Variants in DOK5 observed in about 807,000 individuals in gnomAD.
DOK5 encodes docking protein 5.
A neutral mutation model predicts 43.3 loss-of-function variants in DOK5; 27 were observed. That is an observed-to-expected ratio of 0.62 (90% CI 0.46 to 0.86). The LOEUF is 0.86. Ranked by LOEUF, DOK5 falls within the 40% of genes least tolerant of loss-of-function variation. DOK5 has a pLI of 0.00. For synonymous variants in DOK5, 146 were observed against 140.1 expected (o/e 1.04, Z -0.30); for missense variants, 373 against 392.9 (o/e 0.95, Z 0.43).
chr20:54,534,249 C>A (rs572353403), intron 1 of DOK5, among the ~76,000 whole-genome samples: 2 of 152,290 alleles, frequency 1.3e-5, no homozygotes, highest in East Asian at 3.9e-4. Context: ...TGCAGTGGTG[C>A]AATCATGGCT....
intron 1 of DOK5, among the ~76,000 whole-genome samples, chr20:54,539,980 T>C (rs1429233357): frequency 6.6e-6 from 1 of 152,076 alleles, no homozygotes; most frequent in Non-Finnish European, 1.5e-5. Context: ...ATATAACACT[T>C]TGGAGGCTGG....
At chr20:54,629,977 G>A (rs189462879) in intron 6 of DOK5, among the ~76,000 whole-genome samples, 88 of 152,360 alleles carry the variant, frequency 5.8e-4, no homozygotes, top group Non-Finnish European at 9.6e-4. Context: ...TGTGAGTCGG[G>A]TCCTGTCAGA....
intron 1 of DOK5, among the ~76,000 whole-genome samples, chr20:54,521,355 T>C (rs1057364919): frequency 1.3e-5 from 2 of 152,152 alleles, no homozygotes. Flanking sequence ...TGTCCCTACT[T>C]CAGACGCCAA....
intron 2 of DOK5, among the ~76,000 whole-genome samples, chr20:54,577,550 T>C (rs964833914): frequency 6.6e-6 from 1 of 152,236 alleles, no homozygotes; most frequent in Non-Finnish European, 1.5e-5. Flanking sequence ...AGCAATATTG[T>C]TACACAATGG....
intron 6 of DOK5, among the ~76,000 whole-genome samples, chr20:54,639,625 A>G (rs1460035835): frequency 3.6e-4 from 3 of 8,398 alleles, no homozygotes; most frequent in African/African-American, 8.3e-4. Flanking sequence ...ATCTATTGTA[A>G]AAAAAAAACT....
Position 54,475,633 on chromosome 20 carries a change from A to C in DOK5, c.-314A>C. ...CTCGGCCGGGAGGAGGCAGGGCTGG[A>C]TCCCTCAGCCGCCGCCGCTCCTCCT... On this transcript the variant is annotated 5_prime_UTR_variant, in exon 1 of 8. Coordinates refer to ENST00000262593, the MANE Select transcript of DOK5 (RefSeq NM_018431.5). This position sits in a 1 kb window ranked among gnomAD's most constrained non-coding sequence, Gnocchi z 4.2. 2.1e-6 allele frequency: 1 copy of C among 465,910 alleles called. No individual in the cohort carries two copies. Among genetic ancestry groups the C allele is most frequent in the Non-Finnish European group, 3.9e-6 (1 of 258,420 alleles). 28.9% of individuals were successfully genotyped at this position (465,910 alleles called of 1,614,324 possible).
At chr20:54,503,857 G>GC (rs1185934081) in intron 1 of DOK5, among the ~76,000 whole-genome samples, 1 of 152,166 alleles carries the variant, frequency 6.6e-6, no homozygotes, top group Non-Finnish European at 1.5e-5. Context: ...ACAAACTGCA[G>GC]CCTATGAAGA....
Position 54,591,682 on chromosome 20 carries a change from T to TTACATATGAGTATATCTGTCTTTGGGAC in DOK5, c.477_504dup (p.Val169TyrfsTer3). 6.2e-7 allele frequency: 1 copy of TTACATATGAGTATATCTGTCTTTGGGAC among 1,614,108 alleles called. No homozygotes were observed. Among genetic ancestry groups the TTACATATGAGTATATCTGTCTTTGGGAC allele is most frequent in the East Asian group, 2.2e-5 (1 of 44,880 alleles). ...GTACATGGCGAATGTGCCTTGCAGA[T>TTACATATGAGTATATCTGTCTTTGGGAC]TACATATGAGTATATCTGTCTTTGG... On this transcript the variant is annotated frameshift_variant, in exon 5 of 8. Coordinates refer to ENST00000262593, the MANE Select transcript of DOK5 (RefSeq NM_018431.5). LOFTEE classifies it high-confidence loss of function.
rs534562634 is a variant in DOK5 at position 54,611,775 on chromosome 20, T to A, written c.735+1252T>A. ...GCAAGATTAGGGTAGTTTGAAACTT[T>A]ATGATTGAAACATGTGGGGTGGTTG... On this transcript the variant is annotated intron_variant, in intron 6 of 7. Transcript: ENST00000262593. Among the ~76,000 whole-genome samples the A allele has an allele frequency of 2.0e-5, 3 of 152,350 alleles. No homozygotes were observed. In the South Asian group the frequency reaches 6.2e-4, roughly 32 times the overall value.
At chr20:54,604,101 C>T (rs945970927) in intron 5 of DOK5, among the ~76,000 whole-genome samples, 5 of 151,888 alleles carry the variant, frequency 3.3e-5, no homozygotes, top group African/African-American at 7.3e-5. Context: ...CGCCCGCCAC[C>T]ATGCCCGGCT....
At chr20:54,608,284 T>G (rs1383798584) in intron 5 of DOK5, among the ~76,000 whole-genome samples, 1 of 152,086 alleles carries the variant, frequency 6.6e-6, no homozygotes, top group Non-Finnish European at 1.5e-5. Context: ...CAGTGACCTC[T>G]GCCCCAGGGG....
At chr20:54,647,835 G>C (rs146280076) in intron 7 of DOK5, among the ~76,000 whole-genome samples, 1 of 152,152 alleles carries the variant, frequency 6.6e-6, no homozygotes, top group Non-Finnish European at 1.5e-5. Flanking sequence ...TTAAACCAAA[G>C]CTCTGCACAT....
chr20:54,533,229 G>A (rs1396700809), intron 1 of DOK5, among the ~76,000 whole-genome samples: 2 of 152,146 alleles, frequency 1.3e-5, no homozygotes, highest in African/African-American at 2.4e-5. Context: ...CCCATGAGAT[G>A]CCATTAGAAA....
chr20:54,494,422 A>G (rs113360661), intron 1 of DOK5, among the ~76,000 whole-genome samples: 3,330 of 152,246 alleles, frequency 0.022, 106 homozygotes, highest in African/African-American at 0.071. Context: ...CTGTGTGGTG[A>G]GCATGGTTTT....
At chr20:54,614,030 A>C (rs1433084649) in intron 6 of DOK5, among the ~76,000 whole-genome samples, 1 of 149,110 alleles carries the variant, frequency 6.7e-6, no homozygotes, top group Non-Finnish European at 1.5e-5. Flanking sequence ...ATATATATTT[A>C]TTTATATATA....
rs533987048 is a variant in DOK5 at position 54,614,440 on chromosome 20, G to A, written c.735+3917G>A. Among the ~76,000 whole-genome samples, 17 of 152,188 alleles carry A rather than the reference G, an allele frequency of 1.1e-4. No homozygotes were observed. The East Asian group carries it at 1.2e-3, about 10-fold the overall frequency. On this transcript the variant is annotated intron_variant, in intron 6 of 7. Coordinates refer to ENST00000262593, the MANE Select transcript of DOK5 (RefSeq NM_018431.5). ...ACATGTCATTGTATTAGTGTTGTGC[G>A]GCTATTCCATTAGATCCCTTTAGGC...
chr20:54,484,735 C>T (rs1333463180), intron 1 of DOK5, among the ~76,000 whole-genome samples: 2 of 152,094 alleles, frequency 1.3e-5, no homozygotes, highest in Admixed American at 1.3e-4. Flanking sequence ...AAATGGAGTC[C>T]AGGCTTGGTG....
intron 1 of DOK5, among the ~76,000 whole-genome samples, chr20:54,536,587 A>G (rs1983969444): frequency 6.6e-6 from 1 of 152,188 alleles, no homozygotes; most frequent in South Asian, 2.1e-4. Flanking sequence ...TAAAGAAGCC[A>G]ACAACCCAGA....
intron 6 of DOK5, among the ~76,000 whole-genome samples, chr20:54,617,162 A>T (rs1333291504): frequency 1.3e-5 from 2 of 152,106 alleles, no homozygotes; most frequent in Admixed American, 1.3e-4. Context: ...TGAGGGCTAC[A>T]GTTTCTTGCT....
Sources: gnomAD v4.1 joint callset for allele counts (sites outside exome capture counted in the v4.1 genomes callset) on GRCh38, gnomAD v4.1.1 for gene constraint, Gnocchi (gnomAD v3.1) non-coding constraint, MANE v1.5 for transcripts, NCBI Gene and HGNC (gene_info 2026-07-23, HGNC 2026-07-21) for gene names.